Variants in GABRG3 observed in about 807,000 individuals in gnomAD.
GABRG3 encodes gamma-aminobutyric acid receptor subunit gamma-3.
GABRG3 carries 25 observed loss-of-function variants against 48.8 expected under a neutral mutation model. That is an observed-to-expected ratio of 0.51 (90% CI 0.37 to 0.72). The LOEUF is 0.72. Ranked by LOEUF, GABRG3 falls within the 30% of genes least tolerant of loss-of-function variation. GABRG3 has a pLI of 0.00. For missense variants in GABRG3, 394 were observed against 577.9 expected, an observed-to-expected ratio of 0.68 and a Z score of 3.26; for synonymous variants, 227 against 217.6, an observed-to-expected ratio of 1.04 and a Z score of -0.38.
At chr15:27,031,174 A>G (rs574785671) in intron 3 of GABRG3, among the ~76,000 whole-genome samples, 91 of 152,148 alleles carry the variant, frequency 6.0e-4, no homozygotes, top group African/African-American at 2.1e-3. Flanking sequence ...ATCCATCTTT[A>G]TCATGCAAAG....
intron 3 of GABRG3, among the ~76,000 whole-genome samples, chr15:27,294,005 G>A (rs576725610): frequency 2.0e-5 from 3 of 152,200 alleles, no homozygotes; most frequent in Non-Finnish European, 2.9e-5. Context: ...AATTTAGAGC[G>A]GAAAGGTGGG....
chr15:27,441,788 G>A (rs1216327041), intron 5 of GABRG3, among the ~76,000 whole-genome samples: 2 of 152,048 alleles, frequency 1.3e-5, no homozygotes, highest in South Asian at 2.1e-4. Flanking sequence ...CACAGTCTAC[G>A]GAGTTGTTCC....
intron 6 of GABRG3, among the ~76,000 whole-genome samples, chr15:27,490,927 AT>A (rs1240203501): frequency 8.9e-6 from 1 of 112,888 alleles, no homozygotes; most frequent in Non-Finnish European, 1.6e-5. Context: ...CTCTTGCCGC[AT>A]TTCTGTGGCC....
intron 3 of GABRG3, among the ~76,000 whole-genome samples, chr15:27,156,488 C>T (rs993588524): frequency 6.6e-6 from 1 of 151,916 alleles, no homozygotes; most frequent in Non-Finnish European, 1.5e-5. Context: ...CAAAGAAAGC[C>T]CAAGATACTC....
At chr15:27,481,062 T>C in intron 6 of GABRG3, 1 of 1,216,388 alleles carries the variant, frequency 8.2e-7, no homozygotes, top group Non-Finnish European at 1.0e-6. Context: ...ACTGACCATA[T>C]TTACATAAAC....
intron 6 of GABRG3, among the ~76,000 whole-genome samples, chr15:27,502,487 CA>C (rs1253089453): frequency 1.3e-5 from 2 of 152,116 alleles, no homozygotes; most frequent in Non-Finnish European, 2.9e-5. Context: ...CTTTTTTCCC[CA>C]GATCTGAAGT....
intron 3 of GABRG3, among the ~76,000 whole-genome samples, chr15:27,134,086 C>A (rs1055388065): frequency 6.6e-6 from 1 of 152,140 alleles, no homozygotes; most frequent in Non-Finnish European, 1.5e-5. Context: ...AAAGGGAAAG[C>A]GAATTTCACA....
chr15:27,379,871 G>T (rs1202237097), intron 5 of GABRG3, among the ~76,000 whole-genome samples: 6 of 152,112 alleles, frequency 3.9e-5, no homozygotes, highest in Non-Finnish European at 5.9e-5. Flanking sequence ...ATTTACTGCA[G>T]TTTGAATATC....
At chr15:27,100,559 C>G (rs1369858949) in intron 3 of GABRG3, among the ~76,000 whole-genome samples, 1 of 152,130 alleles carries the variant, frequency 6.6e-6, no homozygotes, top group Non-Finnish European at 1.5e-5. Flanking sequence ...CTTTCATGAA[C>G]TTGCACGCAA....
At chr15:27,367,081 T>C (rs926867742) in intron 5 of GABRG3, among the ~76,000 whole-genome samples, 3 of 152,094 alleles carry the variant, frequency 2.0e-5, no homozygotes, top group African/African-American at 7.2e-5. Context: ...CATCCTCACA[T>C]CCACTGCTTT....
chr15:27,219,688 C>T (rs1218682325), intron 3 of GABRG3, among the ~76,000 whole-genome samples: 1 of 152,224 alleles, frequency 6.6e-6, no homozygotes, highest in East Asian at 1.9e-4. Context: ...TGGCTGGCCA[C>T]TGTTGGGTGT....
At chr15:27,029,824 G>A (rs993211289) in intron 3 of GABRG3, among the ~76,000 whole-genome samples, 1 of 152,094 alleles carries the variant, frequency 6.6e-6, no homozygotes, top group Non-Finnish European at 1.5e-5. Flanking sequence ...AGGAGGCAGG[G>A]GCCTCGGGGA....
chr15:26,991,079 G>A (rs899949966), intron 2 of GABRG3, among the ~76,000 whole-genome samples: 11 of 152,122 alleles, frequency 7.2e-5, no homozygotes, highest in African/African-American at 1.9e-4. Flanking sequence ...CTGTTATTAC[G>A]TGATGTGATT....
In GABRG3 at chr15:27,410,043, G is replaced by GT. The variant is rs1887749603; in HGVS notation, c.575-70606dup. On this transcript the variant is annotated intron_variant, in intron 5 of 9. Coordinates refer to ENST00000615808, the MANE Select transcript of GABRG3 (RefSeq NM_033223.5). ...AGCATTTAGTCTTCAACCATGAAGTGTGATGTTAGATGAAATATTTTATTT... is the reference window on the plus strand; with the variant it reads ...AGCATTTAGTCTTCAACCATGAAGTGTTGATGTTAGATGAAATATTTTATTT... Among the ~76,000 whole-genome samples the GT allele has an allele frequency of 1.3e-5, 2 of 152,158 alleles. 1 individual carries two copies. Among genetic ancestry groups the GT allele is most frequent in the African/African-American group, 4.8e-5 (2 of 41,448 alleles).
intron 3 of GABRG3, among the ~76,000 whole-genome samples, chr15:27,053,920 T>G (rs1896496163): frequency 6.6e-6 from 1 of 152,098 alleles, no homozygotes; most frequent in Non-Finnish European, 1.5e-5. Context: ...GAAGCTAAAT[T>G]TTGGATACAC....
chr15:27,233,281 C>T (rs74004737), intron 3 of GABRG3, among the ~76,000 whole-genome samples: 2,650 of 152,214 alleles, frequency 0.017, 75 homozygotes, highest in African/African-American at 0.061. Context: ...TTCTAGCGAG[C>T]GTGAAAACCT....
At chr15:27,191,315 AC>A (rs1888294476) in intron 3 of GABRG3, among the ~76,000 whole-genome samples, 1 of 152,100 alleles carries the variant, frequency 6.6e-6, no homozygotes, top group Non-Finnish European at 1.5e-5. Context: ...TCTAATGTTG[AC>A]AGTGGGGTGT....
intron 3 of GABRG3, among the ~76,000 whole-genome samples, chr15:27,147,556 C>T (rs1898231919): frequency 6.6e-6 from 1 of 151,828 alleles, no homozygotes; most frequent in Non-Finnish European, 1.5e-5. Flanking sequence ...GAGTGGGGGA[C>T]ACAATTGTGT....
At chr15:27,113,342 C>T (rs1897587274) in intron 3 of GABRG3, among the ~76,000 whole-genome samples, 1 of 151,906 alleles carries the variant, frequency 6.6e-6, no homozygotes, top group East Asian at 1.9e-4. Context: ...CTTTTTAGTT[C>T]TCTAGTGACC....
Sources: allele counts gnomAD v4.1 joint callset (sites outside exome capture counted in the v4.1 genomes callset), GRCh38; gene constraint gnomAD v4.1.1; transcripts MANE v1.5; gene names NCBI Gene and HGNC (gene_info 2026-07-23, HGNC 2026-07-21).